Variants in NLGN1 observed in about 807,000 individuals in gnomAD.
The protein encoded by NLGN1 is neuroligin 1.
A neutral mutation model predicts 65.5 loss-of-function variants in NLGN1; 12 were observed. That is an observed-to-expected ratio of 0.18 (90% CI 0.12 to 0.30). The LOEUF (loss-of-function observed/expected upper bound fraction) is 0.30. Ranked by LOEUF, NLGN1 falls within the 10% of genes least tolerant of loss-of-function variation. The pLI, the probability that NLGN1 is intolerant of heterozygous loss-of-function variation, is 1.00. For synonymous variants in NLGN1, 350 were observed against 359.5 expected (o/e 0.97, Z 0.30); for missense variants, 750 against 1,007.1 (o/e 0.74, Z 3.46).
intron 4 of NLGN1, among the ~76,000 whole-genome samples, chr3:174,157,201 G>A (rs183975093): frequency 5.5e-4 from 84 of 151,612 alleles, no homozygotes; most frequent in Middle Eastern, 3.4e-3. Flanking sequence ...CTGTGAACAA[G>A]ATTTTTAGAT....
intron 4 of NLGN1, among the ~76,000 whole-genome samples, chr3:174,187,837 C>G (rs1481902710): frequency 6.6e-6 from 1 of 151,880 alleles, no homozygotes; most frequent in Non-Finnish European, 1.5e-5. Flanking sequence ...GCATGTTTTT[C>G]TCATTGGTAG....
chr3:174,097,012 CT>C (rs908886059), intron 4 of NLGN1, among the ~76,000 whole-genome samples: 14 of 151,554 alleles, frequency 9.2e-5, no homozygotes, highest in African/African-American at 3.1e-4. Context: ...TAACTAATGG[CT>C]TGTGGCTTTT....
chr3:173,460,416 T>C (rs1723187380), intron 2 of NLGN1, among the ~76,000 whole-genome samples: 2 of 152,136 alleles, frequency 1.3e-5, no homozygotes, highest in Non-Finnish European at 2.9e-5. Flanking sequence ...GAAGAAACTG[T>C]TATTCTCTGT....
intron 4 of NLGN1, among the ~76,000 whole-genome samples, chr3:174,176,852 G>C (rs1184712652): frequency 6.6e-6 from 1 of 151,972 alleles, no homozygotes; most frequent in African/African-American, 2.4e-5. Context: ...TGGGTAATGG[G>C]TATGACTTAC....
chr3:173,777,008 G>T (rs1264493727), intron 3 of NLGN1, among the ~76,000 whole-genome samples: 3 of 151,902 alleles, frequency 2.0e-5, no homozygotes, highest in African/African-American at 7.2e-5. Context: ...ACTTGGGAAA[G>T]CAGTAAGAGT....
At chr3:173,906,878 C>CAAAAAAAAAAAAAAAAAAAAA (rs1224471514) in intron 4 of NLGN1, among the ~76,000 whole-genome samples, 1 of 88,268 alleles carries the variant, frequency 1.1e-5, no homozygotes, top group Non-Finnish European at 2.4e-5. Context: ...CAAACAAAAA[C>CAAAAAAAAAAAAAAAAAAAAA]AAAAAAAAAA....
chr3:173,940,080 C>CTTTTTTTGTTTTTTTTTTTT (rs1745762361), intron 4 of NLGN1, among the ~76,000 whole-genome samples: 1 of 75,404 alleles, frequency 1.3e-5, no homozygotes, highest in Non-Finnish European at 2.3e-5. Flanking sequence ...ATAGTTATAG[C>CTTTTTTTGTTTTTTTTTTTT]TTTTTTTTTT....
chr3:173,965,297 C>CT (rs2152356774), intron 4 of NLGN1, among the ~76,000 whole-genome samples: 1 of 151,780 alleles, frequency 6.6e-6, no homozygotes, highest in East Asian at 1.9e-4. Context: ...TTTTTTTCCC[C>CT]TAGAACATTT....
At chr3:173,576,022 T>C (rs924879617) in intron 2 of NLGN1, among the ~76,000 whole-genome samples, 2 of 152,156 alleles carry the variant, frequency 1.3e-5, no homozygotes, top group African/African-American at 4.8e-5. Context: ...AAGGAATTAT[T>C]CCAAGTTGAG....
chr3:173,859,141 C>T (rs1178940957), intron 4 of NLGN1, among the ~76,000 whole-genome samples: 1 of 151,780 alleles, frequency 6.6e-6, no homozygotes, highest in African/African-American at 2.4e-5. Flanking sequence ...TAAAAAGAAA[C>T]AAACAAAGAT....
chr3:174,283,204 C>G (rs903831690), exon 7 of NLGN1: 4 of 151,018 alleles, frequency 2.6e-5, no homozygotes, highest in African/African-American at 9.7e-5. Context: ...CTAGATTAGA[C>G]CAGTCAGGTT....
At chr3:173,805,612 G>T (rs1716472098) in intron 3 of NLGN1, among the ~76,000 whole-genome samples, 1 of 152,096 alleles carries the variant, frequency 6.6e-6, no homozygotes, top group Admixed American at 6.5e-5. Context: ...GTTCTACCAA[G>T]ATTTCATTAC....
At chr3:174,148,292 A>G (rs1723714861) in intron 4 of NLGN1, among the ~76,000 whole-genome samples, 1 of 152,216 alleles carries the variant, frequency 6.6e-6, no homozygotes, top group African/African-American at 2.4e-5. Context: ...AAAAGGGGAC[A>G]CAATATGTCC....
chr3:173,534,656 TC>T (rs1484325599), intron 2 of NLGN1, among the ~76,000 whole-genome samples: 21 of 152,222 alleles, frequency 1.4e-4, no homozygotes, highest in African/African-American at 4.6e-4. Flanking sequence ...TTTTCTAATT[TC>T]TTTATCTCAA....
At chr3:173,649,046 A>G (rs934034773) in intron 3 of NLGN1, among the ~76,000 whole-genome samples, 2 of 152,246 alleles carry the variant, frequency 1.3e-5, no homozygotes, top group African/African-American at 4.8e-5. Context: ...TTGTGAAATA[A>G]GCATAAAATG....
intron 4 of NLGN1, among the ~76,000 whole-genome samples, chr3:174,006,297 A>G (rs1354769399): frequency 6.6e-6 from 1 of 152,190 alleles, no homozygotes; most frequent in Non-Finnish European, 1.5e-5. Flanking sequence ...GGCCATCAGT[A>G]TATAGTCATT....
intron 4 of NLGN1, among the ~76,000 whole-genome samples, chr3:173,989,387 AT>A (rs1383449521): frequency 2.0e-5 from 3 of 152,160 alleles, no homozygotes; most frequent in Non-Finnish European, 4.4e-5. Context: ...TTTGGCCAAA[AT>A]TTCCTCTCCC....
chr3:173,906,192 AT>A (rs1464596273), intron 4 of NLGN1, among the ~76,000 whole-genome samples: 1 of 152,190 alleles, frequency 6.6e-6, no homozygotes, highest in East Asian at 1.9e-4. Flanking sequence ...CACAGTCAGA[AT>A]TTGAATCCAA....
At chr3:173,923,558 C>T (rs945058879) in intron 4 of NLGN1, among the ~76,000 whole-genome samples, 1 of 152,116 alleles carries the variant, frequency 6.6e-6, no homozygotes, top group African/African-American at 2.4e-5. Context: ...GTGGGTTAAA[C>T]ATCTTCCAAG....
Sources: gnomAD v4.1 joint callset for allele counts (sites outside exome capture counted in the v4.1 genomes callset) on GRCh38, gnomAD v4.1.1 for gene constraint, MANE v1.5 for transcripts, NCBI Gene and HGNC (gene_info 2026-07-23, HGNC 2026-07-21) for gene names.